Variants in SPAG17 observed in about 807,000 individuals in gnomAD.
SPAG17 encodes the protein sperm-associated antigen 17.
Under a neutral mutation model 273.6 loss-of-function variants are expected in SPAG17, and 169 were observed. The ratio of observed to expected loss-of-function variants is 0.62; its 90% CI spans 0.55 to 0.70. The LOEUF is 0.70. Ranked by LOEUF, SPAG17 falls within the 30% of genes least tolerant of loss-of-function variation. SPAG17 has a pLI of 0.00. For missense variants in SPAG17, 2,557 were observed against 2,627.8 expected, an observed-to-expected ratio of 0.97 and a Z score of 0.59; for synonymous variants, 825 against 873.2, an observed-to-expected ratio of 0.94 and a Z score of 0.97.
Position 118,073,942 on chromosome 1 carries a change from G to A in SPAG17, c.2297C>T (p.Ala766Val). The part of the protein sequence containing the change: ...EKKPKKMMVE[A>V]DLEDIKKTQQ... Reference sequence around the variant, plus strand: ...TGTTTTCTTTATGTCCTCTAAATCTGCTTCCACCATCATCTTCTTGGGTTT... The same window carrying A: ...TGTTTTCTTTATGTCCTCTAAATCTACTTCCACCATCATCTTCTTGGGTTT... The change falls in exon 17 of 49, where the codon GCA becomes GTA. Residue 766 changes from alanine to valine, a missense_variant. By Grantham distance (64) the Ala-to-Val change is moderately conservative (BLOSUM62 0). Coordinates refer to ENST00000336338, the MANE Select transcript of SPAG17 (RefSeq NM_206996.4). 1 of 1,565,114 alleles carries A rather than the reference G, an allele frequency of 6.4e-7. No homozygotes were observed. Among genetic ancestry groups the A allele is most frequent in the Non-Finnish European group, 8.6e-7 (1 of 1,163,746 alleles).
chr1:117,957,782 A>T (rs755458307), intron 48 of SPAG17, among the ~76,000 whole-genome samples: 14 of 152,190 alleles, frequency 9.2e-5, no homozygotes, highest in Non-Finnish European at 1.5e-4. Context: ...CAGGGGAGCC[A>T]AAAGGATGGA....
chr1:118,009,419 G>A (rs921049404), intron 30 of SPAG17, among the ~76,000 whole-genome samples: 1 of 151,988 alleles, frequency 6.6e-6, no homozygotes, highest in Non-Finnish European at 1.5e-5. Context: ...GGGAACTCAC[G>A]GAATAACTTC....
intron 48 of SPAG17, chr1:117,956,942 A>G: frequency 1.3e-6 from 1 of 744,258 alleles, no homozygotes. Flanking sequence ...TGAATATTTA[A>G]CTCTAGGCAA....
intron 43 of SPAG17, among the ~76,000 whole-genome samples, chr1:117,978,907 G>A (rs1655436825): frequency 1.4e-5 from 2 of 143,970 alleles, no homozygotes; most frequent in Non-Finnish European, 3.0e-5. Flanking sequence ...CGCTCTTGTT[G>A]CCCAAGCTGG....
chr1:118,003,493 C>T lies in SPAG17; in HGVS notation c.4776+1921G>A, dbSNP rs574456006. ...ATAGATTTCATCTTTTCACATAGTC[C>T]TGTATTTCTTGGAGGCTTTGTTTGT... On this transcript the variant is annotated intron_variant, in intron 32 of 48. Transcript: ENST00000336338. Among the ~76,000 whole-genome samples the T allele has an allele frequency of 9.2e-5, 14 of 152,298 alleles. No individual in the cohort carries two copies. In the South Asian group the frequency reaches 2.9e-3, roughly 32 times the overall value.
intron 32 of SPAG17, among the ~76,000 whole-genome samples, chr1:117,997,945 C>G (rs964721468): frequency 6.6e-6 from 1 of 152,068 alleles, no homozygotes; most frequent in Non-Finnish European, 1.5e-5. Context: ...AGGGGATAGT[C>G]GTGGTGTTGA....
chr1:117,955,781 G>A (rs1317510989), intron 48 of SPAG17, among the ~76,000 whole-genome samples: 2 of 150,606 alleles, frequency 1.3e-5, no homozygotes, highest in Non-Finnish European at 3.0e-5. Context: ...AAAAATCATT[G>A]GATTCAGAAT....
chr1:118,177,247 A>T (rs1477891948), intron 1 of SPAG17, among the ~76,000 whole-genome samples: 2 of 152,186 alleles, frequency 1.3e-5, no homozygotes, highest in Non-Finnish European at 2.9e-5. Context: ...ACTTACAATC[A>T]TGGTGGAAGA....
In SPAG17 at chr1:117,955,246, T is replaced by C. The variant is rs140242407; in HGVS notation, c.*1-1197A>G. The C allele has an allele frequency of 4.1e-4, 561 of 1,357,990 alleles. 1 individual carries two copies. In the African/African-American group the frequency reaches 5.6e-3, roughly 14 times the overall value. The allele number at this position is 1,357,990 out of a possible 1,614,324, so 84.1% of individuals were successfully genotyped here. On this transcript the variant is annotated intron_variant, in intron 48 of 48. Transcript: ENST00000336338. The stretch of plus-strand genomic sequence containing the variant: ...GGAGGGGTTCCTGTTTTATAGGAGA[T>C]AGAAATTAGAGAACTTTAGTAGAAA...
At position 118,074,541 on chromosome 1, in the gene SPAG17, T is replaced by G. The variant is rs762288582; in HGVS notation, c.2269A>C (p.Lys757Gln). 2 of 1,613,098 alleles carry G rather than the reference T, an allele frequency of 1.2e-6. No homozygotes were observed. The highest frequency in any genetic ancestry group is 4.5e-5 in the East Asian group (2 of 44,880). Residue 757 changes from lysine (K) to glutamine (Q), a missense_variant and splice_region_variant, in exon 16 of 49, where the codon AAG becomes CAG. Physicochemically the swap from Lys to Gln is moderately conservative, Grantham distance 53. Coordinates refer to ENST00000336338, the MANE Select transcript of SPAG17 (RefSeq NM_206996.4). ...DAVTKADSHE[K>Q]KPKKMMVEAD... is the part of the protein sequence containing the mutation. ...TTTTCAGAAAAATAATTCCTTACCT[T>G]TTCATGAGAATCAGCCTTTGTGACT...
chr1:118,145,469 G>A (rs560654077), intron 3 of SPAG17, among the ~76,000 whole-genome samples: 2 of 152,212 alleles, frequency 1.3e-5, no homozygotes, highest in African/African-American at 4.8e-5. Flanking sequence ...CTAATCTGAG[G>A]CACTAGCATA....
intron 18 of SPAG17, among the ~76,000 whole-genome samples, chr1:118,065,620 G>A (rs1652876320): frequency 1.3e-5 from 2 of 151,952 alleles, no homozygotes; most frequent in Non-Finnish European, 2.9e-5. Flanking sequence ...GACAAATCTG[G>A]CTTACTACAG....
At position 118,185,084 on chromosome 1, in the gene SPAG17, G is replaced by A. The variant is rs749133059; in HGVS notation, c.74C>T (p.Ala25Val). 1.9e-6 allele frequency: 3 copies of A among 1,614,078 alleles called. No homozygotes were observed. Among genetic ancestry groups the A allele is most frequent in the Admixed American group, 3.3e-5 (2 of 60,032 alleles). The change falls in exon 1 of 49, where the codon GCA becomes GTA. Residue 25 changes from alanine to valine, a missense_variant. Physicochemically the swap from Ala to Val is moderately conservative, Grantham distance 64 (BLOSUM62 0). Coordinates refer to ENST00000336338, the MANE Select transcript of SPAG17 (RefSeq NM_206996.4). ...CTCAAGGCTCACCTGATTGAACTGT[G>A]CAGCTATGAGCGAGGGTTCCCATAT... ...SKIWEPSLIAAQFNQNDWQAS... is the reference protein window; with the variant it reads ...SKIWEPSLIAVQFNQNDWQAS...
At chr1:118,175,309 C>T (rs770681538) in intron 1 of SPAG17, among the ~76,000 whole-genome samples, 4 of 152,078 alleles carry the variant, frequency 2.6e-5, no homozygotes, top group African/African-American at 9.7e-5. Flanking sequence ...GGATCACAGG[C>T]GTGAGCCACT....
intron 48 of SPAG17, chr1:117,959,389 TGGAAGAGAAGAAGA>T (rs754569327): frequency 6.2e-7 from 1 of 1,613,894 alleles, no homozygotes; most frequent in South Asian, 1.1e-5. Context: ...ACTAGCCACT[TGGAAGAGAAGAAGA>T]GGAAGAGGAA....
intron 40 of SPAG17, among the ~76,000 whole-genome samples, chr1:117,987,628 G>C: frequency 6.6e-6 from 1 of 152,156 alleles, no homozygotes; most frequent in East Asian, 1.9e-4. Context: ...GCTTAGGAGA[G>C]GAAGAGGATC....
chr1:118,105,333 A>G (rs1342597686), intron 4 of SPAG17, among the ~76,000 whole-genome samples: 2 of 152,090 alleles, frequency 1.3e-5, no homozygotes, highest in African/African-American at 4.8e-5. Context: ...AGTGGTGAGA[A>G]CTTATTGAAA....
Position 118,141,429 on chromosome 1 carries a change from G to A in SPAG17, c.315+9114C>T, listed in dbSNP as rs575064961. Among the ~76,000 whole-genome samples, 26 of 152,282 alleles carry A rather than the reference G, an allele frequency of 1.7e-4. 1 individual carries two copies. The highest frequency in any genetic ancestry group is 6.3e-4 in the African/African-American group (26 of 41,562). On this transcript the variant is annotated intron_variant, in intron 3 of 48. Coordinates refer to ENST00000336338, the MANE Select transcript of SPAG17 (RefSeq NM_206996.4). ...GTAGCTCTGTCCGAAGCACAGTGTT[G>A]GGGGAGTTGCAAGTTAGTCTAATTT...
intron 3 of SPAG17, among the ~76,000 whole-genome samples, chr1:118,145,652 T>A (rs1455027342): frequency 1.3e-5 from 2 of 152,120 alleles, no homozygotes; most frequent in African/African-American, 4.8e-5. Context: ...TAAGATATAT[T>A]TGTTAAAAAG....
Sources: gnomAD v4.1 joint callset for allele counts (sites outside exome capture counted in the v4.1 genomes callset) on GRCh38, gnomAD v4.1.1 for gene constraint, MANE v1.5 for transcripts, NCBI Gene and HGNC (gene_info 2026-07-23, HGNC 2026-07-21) for gene names.